The following MAPT variants were observed in gnomAD, a reference collection of about 807,000 sequenced individuals.
The protein encoded by MAPT is microtubule-associated protein tau.
A neutral mutation model predicts 67.9 loss-of-function variants in MAPT; 34 were observed. The ratio of observed to expected loss-of-function variants is 0.50; its 90% CI spans 0.38 to 0.67. The LOEUF (loss-of-function observed/expected upper bound fraction) is 0.67, where lower values mean the gene tolerates loss of function less well. Ranked by LOEUF, MAPT falls within the 30% of genes least tolerant of loss-of-function variation. MAPT has a pLI of 0.00. For missense variants in MAPT, 881 were observed against 1,115.2 expected (o/e 0.79, Z 2.99); for synonymous variants, 456 against 464.5 (o/e 0.98, Z 0.23).
rs63750191 is a variant in MAPT at position 46,024,115 on chromosome 17, C to A, written c.2446C>A (p.Gln816Lys). The A allele has an allele frequency of 8.3e-5, 134 of 1,614,030 alleles. No individual in the cohort carries two copies. The highest frequency in any genetic ancestry group is 1.1e-4 in the Non-Finnish European group (134 of 1,180,048). Residue 816 changes from glutamine to lysine, a missense_variant, in exon 13 of 13, where the codon CAG (glutamine) becomes AAG (lysine). Coordinates refer to ENST00000262410, the MANE Select transcript of MAPT (RefSeq NM_001377265.1). The part of the protein sequence containing the change: ...TGSIDMVDSP[Q>K]LATLADEVSA... ...CAGCATCGACATGGTAGACTCGCCC[C>A]AGCTCGCCACGCTAGCTGACGAGGT...
At chr17:45,922,108 G>C (rs2065792346) in intron 1 of MAPT, among the ~76,000 whole-genome samples, 1 of 151,978 alleles carries the variant, frequency 6.6e-6, no homozygotes, top group African/African-American at 2.4e-5. Flanking sequence ...TGTCTCCCAG[G>C]TTCAAGCAAT....
At chr17:45,899,250 C>T (rs2063471204) in intron 1 of MAPT, among the ~76,000 whole-genome samples, 1 of 152,078 alleles carries the variant, frequency 6.6e-6, no homozygotes, top group Non-Finnish European at 1.5e-5. Context: ...TGGGTAGAGG[C>T]CAGGAATGCT....
At chr17:46,009,148 C>A (rs1278425774) in intron 9 of MAPT, among the ~76,000 whole-genome samples, 2 of 151,980 alleles carry the variant, frequency 1.3e-5, no homozygotes, top group African/African-American at 2.4e-5. Context: ...TGCACTGAGC[C>A]GTGATGGTGT....
chr17:45,951,523 A>C (rs920143565), intron 1 of MAPT, among the ~76,000 whole-genome samples: 3 of 148,202 alleles, frequency 2.0e-5, no homozygotes, highest in African/African-American at 7.4e-5. Context: ...CTTTGTTCTC[A>C]TCTCTCTCTC....
At chr17:46,018,817 G>C (rs767459200) in intron 12 of MAPT, 87 bp downstream of exon 12, 16 of 997,840 alleles carry the variant, frequency 1.6e-5, no homozygotes, top group Non-Finnish European at 2.4e-5. Flanking sequence ...CCAGTTCCCA[G>C]AGGAGGAAAA....
Position 45,943,767 on chromosome 17 carries a change from T to C in MAPT, c.-17-18554T>C, listed in dbSNP as rs190601639. Among the ~76,000 whole-genome samples the C allele has an allele frequency of 2.0e-5, 3 of 152,328 alleles. No individual in the cohort carries two copies. In the East Asian group the frequency reaches 5.8e-4, roughly 29 times the overall value. On this transcript the variant is annotated intron_variant, in intron 1 of 12. Coordinates refer to ENST00000262410, the MANE Select transcript of MAPT (RefSeq NM_001377265.1). ...CCCAGATCGCCTTCCTTGTCTTCCC[T>C]GTGCTTGCCTGTCACATTGTGTGGG...
At chr17:45,998,970 A>G (rs949414227) in intron 9 of MAPT, among the ~76,000 whole-genome samples, 1 of 152,004 alleles carries the variant, frequency 6.6e-6, no homozygotes, top group African/African-American at 2.4e-5. Context: ...CCAGACTGCC[A>G]TCCAGGATCT....
At chr17:45,957,867 A>T (rs80190331) in intron 1 of MAPT, among the ~76,000 whole-genome samples, 21,777 of 152,174 alleles carry the variant, frequency 0.14, 2,113 homozygotes, top group Non-Finnish European at 0.22. Flanking sequence ...AAAAAAAAAA[A>T]TGTCTAAAGT....
chr17:45,944,336 G>A (rs1397995281), intron 1 of MAPT, among the ~76,000 whole-genome samples: 1 of 152,196 alleles, frequency 6.6e-6, no homozygotes, highest in Non-Finnish European at 1.5e-5. Flanking sequence ...GAGAACAGGT[G>A]TCCTTCAGGA....
chr17:45,982,181 G>A (rs555910610), intron 4 of MAPT, among the ~76,000 whole-genome samples: 20 of 152,054 alleles, frequency 1.3e-4, no homozygotes, highest in Middle Eastern at 3.4e-3. Flanking sequence ...AATTAGCCAG[G>A]TGTGGTGGCA....
intron 1 of MAPT, among the ~76,000 whole-genome samples, chr17:45,925,309 C>A (rs1209830795): frequency 1.3e-5 from 2 of 152,232 alleles, no homozygotes; most frequent in South Asian, 2.1e-4. Flanking sequence ...GTCCTCCCAT[C>A]GAGGACCACA....
intron 11 of MAPT, among the ~76,000 whole-genome samples, chr17:46,018,138 C>T (rs1479991690): frequency 7.7e-6 from 1 of 129,824 alleles, no homozygotes; most frequent in Non-Finnish European, 1.6e-5. Context: ...GAGCAAGACT[C>T]TGTCTCAAGA....
intron 12 of MAPT, among the ~76,000 whole-genome samples, chr17:46,019,237 A>G (rs879608428): frequency 2.6e-5 from 4 of 152,092 alleles, no homozygotes; most frequent in Non-Finnish European, 4.4e-5. Context: ...AAACCATCAG[A>G]CCTCATGAGA....
At chr17:45,912,675 A>C (rs62056841) in intron 1 of MAPT, among the ~76,000 whole-genome samples, 21,830 of 152,252 alleles carry the variant, frequency 0.14, 2,138 homozygotes, top group Middle Eastern at 0.22. Context: ...CACCAAGTTT[A>C]TGGTCATTTC....
At chr17:45,903,993 T>G (rs1262124359) in intron 1 of MAPT, among the ~76,000 whole-genome samples, 1 of 20,678 alleles carries the variant, frequency 4.8e-5, no homozygotes, top group Non-Finnish European at 8.1e-5. Flanking sequence ...TATATTTATA[T>G]ATATTATATA....
chr17:45,993,983 C>G (rs1310111488), intron 8 of MAPT: 1 of 1,565,766 alleles, frequency 6.4e-7, no homozygotes, highest in South Asian at 1.2e-5. Context: ...GAGAGGTACT[C>G]GGGAGCCTAC....
rs1598324463 is a variant in MAPT, at chr17:45,996,132, C to T, written c.1733-267C>T. On this transcript the variant is annotated intron_variant, in intron 8 of 12. Coordinates refer to ENST00000262410, the MANE Select transcript of MAPT (RefSeq NM_001377265.1). This position sits in a 1 kb window ranked among gnomAD's most constrained non-coding sequence, Gnocchi z 4.5. The stretch of plus-strand genomic sequence containing the variant: ...AAAGACTGTGGAGCCGAGTTGGCCA[C>T]CTCTCTGGGAGCGGGTATTGGATGG... Among the ~76,000 whole-genome samples, 5 of 152,298 alleles carry T rather than the reference C, an allele frequency of 3.3e-5. No individual in the cohort carries two copies. The South Asian group carries it at 1.0e-3, about 32-fold the overall frequency.
At chr17:45,997,633 G>A (rs967426975) in intron 9 of MAPT, among the ~76,000 whole-genome samples, 2 of 152,064 alleles carry the variant, frequency 1.3e-5, no homozygotes, top group African/African-American at 4.8e-5. Context: ...GGTGGTGCGC[G>A]CCTATAATCC....
rs1309998884 is a variant in MAPT, at chr17:46,018,007, TG to T, written c.2174-609del. On this transcript the variant is annotated intron_variant, in intron 11 of 12. Transcript: ENST00000262410. Reference sequence around the variant, plus strand: ...GAAAATACAAAAAATTAGCTGGGCGTGGTGGCAGGCACCTGTAGTCCCAGCC... The same window carrying T: ...GAAAATACAAAAAATTAGCTGGGCGTGTGGCAGGCACCTGTAGTCCCAGCC... 2.6e-5 allele frequency among the ~76,000 whole-genome samples: 4 copies of T among 151,668 alleles called. No homozygotes were observed. In the East Asian group the frequency reaches 8.0e-4, roughly 30 times the overall value.
Sources: allele counts gnomAD v4.1 joint callset (sites outside exome capture counted in the v4.1 genomes callset), GRCh38; gene constraint gnomAD v4.1.1; non-coding constraint Gnocchi (gnomAD v3.1); transcripts MANE v1.5; gene names NCBI Gene and HGNC (gene_info 2026-07-23, HGNC 2026-07-21).